The following KCND2 variants were observed in gnomAD, a reference collection of about 807,000 sequenced individuals.
KCND2 encodes potassium voltage-gated channel subfamily D member 2.
KCND2 carries 16 observed loss-of-function variants against 54.4 expected under a neutral mutation model. The observed-to-expected ratio is 0.29, with a 90% CI of 0.20 to 0.45. The LOEUF is 0.45. KCND2 is among the 20% of genes least tolerant of loss of function. The pLI, the probability that KCND2 is intolerant of heterozygous loss-of-function variation, is 1.00. For missense variants in KCND2, 486 were observed against 824.2 expected (o/e 0.59, Z 5.02); for synonymous variants, 317 against 310.7 (o/e 1.02, Z -0.21).
At chr7:120,441,274 C>T (rs567147026) in intron 1 of KCND2, among the ~76,000 whole-genome samples, 15 of 152,100 alleles carry the variant, frequency 9.9e-5, no homozygotes, top group African/African-American at 3.4e-4. Context: ...CTCATCTATG[C>T]TAGTAAAACA....
intron 1 of KCND2, among the ~76,000 whole-genome samples, chr7:120,400,071 GA>G (rs1218416479): frequency 6.6e-6 from 1 of 152,092 alleles, no homozygotes; most frequent in Non-Finnish European, 1.5e-5. Flanking sequence ...TTGTGTCCAT[GA>G]AACACCAAAA....
intron 1 of KCND2, among the ~76,000 whole-genome samples, chr7:120,561,957 G>A (rs765896225): frequency 6.6e-6 from 1 of 152,130 alleles, no homozygotes; most frequent in Non-Finnish European, 1.5e-5. Context: ...GAGAGTCTAA[G>A]CAGATAACAG....
intron 1 of KCND2, among the ~76,000 whole-genome samples, chr7:120,380,788 A>C (rs1415485782): frequency 6.6e-6 from 1 of 152,088 alleles, no homozygotes; most frequent in Non-Finnish European, 1.5e-5. Context: ...ACCCAAACTG[A>C]GCCTGCATTC....
chr7:120,546,285 C>A (rs1386000971), intron 1 of KCND2, among the ~76,000 whole-genome samples: 1 of 151,806 alleles, frequency 6.6e-6, no homozygotes, highest in Non-Finnish European at 1.5e-5. Flanking sequence ...TATGGAGTGG[C>A]AACGTGGAGA....
In KCND2 at chr7:120,693,018, A is replaced by G. The variant is rs145100536; in HGVS notation, c.1116-39885A>G. Among the ~76,000 whole-genome samples, 73 of 152,334 alleles carry G rather than the reference A, an allele frequency of 4.8e-4. 1 individual carries two copies. The East Asian group carries it at 0.013, about 28-fold the overall frequency. ...CCAAATCCTACTAAAACAACTACTC[A>G]CAAAAAAGATGAGCCAATGAAGCAT... On this transcript the variant is annotated intron_variant, in intron 1 of 5. Coordinates refer to ENST00000331113, the MANE Select transcript of KCND2 (RefSeq NM_012281.3).
At chr7:120,694,989 C>T (rs1792316347) in intron 1 of KCND2, among the ~76,000 whole-genome samples, 1 of 152,126 alleles carries the variant, frequency 6.6e-6, no homozygotes, top group Admixed American at 6.5e-5. Context: ...CCAACCTCCT[C>T]TGCCTACCAC....
At chr7:120,428,782 G>T (rs1185817242) in intron 1 of KCND2, among the ~76,000 whole-genome samples, 2 of 152,012 alleles carry the variant, frequency 1.3e-5, no homozygotes. Flanking sequence ...GAGCAGCAAT[G>T]GTTATAGATT....
intron 1 of KCND2, among the ~76,000 whole-genome samples, chr7:120,594,513 G>T (rs960566617): frequency 1.3e-5 from 2 of 152,110 alleles, no homozygotes; most frequent in African/African-American, 4.8e-5. Flanking sequence ...CTCTCTGGAG[G>T]CTCCACTCTC....
intron 1 of KCND2, among the ~76,000 whole-genome samples, chr7:120,340,960 G>A (rs950969105): frequency 1.3e-5 from 2 of 152,090 alleles, no homozygotes; most frequent in South Asian, 2.1e-4. Context: ...AAATAGTGAC[G>A]CAAAGAAAAA....
chr7:120,588,631 C>G (rs1198176822), intron 1 of KCND2, among the ~76,000 whole-genome samples: 3 of 152,116 alleles, frequency 2.0e-5, no homozygotes, highest in Non-Finnish European at 2.9e-5. Context: ...TTACTCCCAC[C>G]TCCTCCTGAC....
At chr7:120,586,602 C>G (rs1217998612) in intron 1 of KCND2, among the ~76,000 whole-genome samples, 3 of 152,146 alleles carry the variant, frequency 2.0e-5, no homozygotes, top group Non-Finnish European at 4.4e-5. Flanking sequence ...CGTATTCTTG[C>G]ACATTTTGTA....
intron 1 of KCND2, among the ~76,000 whole-genome samples, chr7:120,486,683 T>C (rs1802698686): frequency 6.6e-6 from 1 of 151,994 alleles, no homozygotes; most frequent in Non-Finnish European, 1.5e-5. Context: ...TTGACTTGTT[T>C]ATTGTCTTTT....
At chr7:120,280,840 A>T (rs1799249274) in intron 1 of KCND2, among the ~76,000 whole-genome samples, 1 of 152,120 alleles carries the variant, frequency 6.6e-6, no homozygotes, top group African/African-American at 2.4e-5. Flanking sequence ...GCTGCTGATT[A>T]TACAGGGATA....
intron 1 of KCND2, among the ~76,000 whole-genome samples, chr7:120,523,314 C>T (rs1041115031): frequency 1.6e-4 from 25 of 151,532 alleles, no homozygotes; most frequent in Admixed American, 1.3e-3. Flanking sequence ...AAATTCTGCA[C>T]GTGTTTTTAA....
chr7:120,349,400 T>A (rs1800370324), intron 1 of KCND2, among the ~76,000 whole-genome samples: 1 of 152,036 alleles, frequency 6.6e-6, no homozygotes, highest in Non-Finnish European at 1.5e-5. Context: ...AACAATGTCT[T>A]TCTGGAATTA....
At chr7:120,676,342 AC>A (rs929610981) in intron 1 of KCND2, among the ~76,000 whole-genome samples, 13 of 151,918 alleles carry the variant, frequency 8.6e-5, no homozygotes, top group African/African-American at 3.1e-4. Flanking sequence ...TTAACTGTAA[AC>A]CCATTTTGGA....
intron 1 of KCND2, among the ~76,000 whole-genome samples, chr7:120,348,159 C>T (rs1161558996): frequency 6.6e-6 from 1 of 152,152 alleles, no homozygotes; most frequent in Non-Finnish European, 1.5e-5. Flanking sequence ...AACAGGGAAT[C>T]ATCAGATACG....
At chr7:120,277,825 T>C (rs1799200864) in intron 1 of KCND2, among the ~76,000 whole-genome samples, 2 of 151,974 alleles carry the variant, frequency 1.3e-5, no homozygotes, top group South Asian at 2.1e-4. Context: ...TTTTTGAAAA[T>C]ATTTAAGAAA....
intron 1 of KCND2, among the ~76,000 whole-genome samples, chr7:120,695,775 A>G (rs1216838199): frequency 6.6e-6 from 1 of 152,208 alleles, no homozygotes; most frequent in Non-Finnish European, 1.5e-5. Context: ...TTTATTTTTT[A>G]CTAAAGTTTG....
Sources: allele counts gnomAD v4.1 joint callset (sites outside exome capture counted in the v4.1 genomes callset), GRCh38; gene constraint gnomAD v4.1.1; transcripts MANE v1.5; gene names NCBI Gene and HGNC (gene_info 2026-07-23, HGNC 2026-07-21).